Variants in DLG2 observed in about 807,000 individuals in gnomAD.
The protein encoded by DLG2 is discs large MAGUK scaffold protein 2, also known as disks large homolog 2.
Under a neutral mutation model 132.5 loss-of-function variants are expected in DLG2, and 45 were observed. The observed-to-expected ratio is 0.34, with a 90% CI of 0.27 to 0.44. The LOEUF (loss-of-function observed/expected upper bound fraction) is 0.44, where lower values mean the gene tolerates loss of function less well. Among genes scored for constraint, DLG2 ranks in the 20% least tolerant of loss-of-function variants. The pLI is 1.00. For missense variants in DLG2, 1,045 were observed against 1,196.9 expected, an observed-to-expected ratio of 0.87 and a Z score of 1.87; for synonymous variants, 424 against 419.6, an observed-to-expected ratio of 1.01 and a Z score of -0.13.
intron 3 of DLG2, among the ~76,000 whole-genome samples, chr11:85,523,287 G>A (rs1363269547): frequency 1.3e-5 from 2 of 152,086 alleles, no homozygotes; most frequent in Non-Finnish European, 1.5e-5. Context: ...ATGATTATAA[G>A]TTTCCTTTAA....
At chr11:84,014,767 C>T (rs915871482) in intron 11 of DLG2, among the ~76,000 whole-genome samples, 3 of 151,888 alleles carry the variant, frequency 2.0e-5, no homozygotes, top group African/African-American at 4.8e-5. Flanking sequence ...TTCTCTTTCA[C>T]AATCCAATAT....
chr11:84,737,254 A>T (rs1204154126), intron 6 of DLG2, among the ~76,000 whole-genome samples: 3 of 151,894 alleles, frequency 2.0e-5, no homozygotes, highest in Non-Finnish European at 4.4e-5. Context: ...CATTTGCTAA[A>T]ATTTATTTAG....
intron 6 of DLG2, among the ~76,000 whole-genome samples, chr11:84,771,448 C>G (rs1280935121): frequency 6.6e-6 from 1 of 152,174 alleles, no homozygotes; most frequent in Non-Finnish European, 1.5e-5. Flanking sequence ...CTTTTGCTCA[C>G]TTTTAATGGG....
chr11:83,539,160 A>C (rs1478258174), intron 20 of DLG2, among the ~76,000 whole-genome samples: 1 of 152,184 alleles, frequency 6.6e-6, no homozygotes, highest in African/African-American at 2.4e-5. Context: ...GTGCAACAGG[A>C]ATGTTTTGTT....
chr11:84,172,207 T>C (rs1266946641), intron 8 of DLG2, among the ~76,000 whole-genome samples: 3 of 152,250 alleles, frequency 2.0e-5, no homozygotes, highest in Non-Finnish European at 2.9e-5. Context: ...GGTTATTTTA[T>C]GAATACTATG....
At chr11:85,472,565 T>C (rs535715969) in intron 3 of DLG2, among the ~76,000 whole-genome samples, 2 of 152,332 alleles carry the variant, frequency 1.3e-5, no homozygotes, top group East Asian at 1.9e-4. Context: ...CCTAAAGTGC[T>C]GGGATTCCAG....
intron 11 of DLG2, among the ~76,000 whole-genome samples, chr11:83,981,828 A>G (rs2092806606): frequency 6.6e-6 from 1 of 152,208 alleles, no homozygotes; most frequent in Admixed American, 6.5e-5. Flanking sequence ...CTCTTTTAAG[A>G]GATGATTTTC....
chr11:84,757,310 AT>A (rs1284737166), intron 6 of DLG2, among the ~76,000 whole-genome samples: 3 of 151,810 alleles, frequency 2.0e-5, no homozygotes, highest in African/African-American at 7.3e-5. Context: ...AAAAAAAAGG[AT>A]TTTATCTTGT....
intron 8 of DLG2, among the ~76,000 whole-genome samples, chr11:84,220,474 A>G (rs968121621): frequency 4.0e-4 from 61 of 152,210 alleles, no homozygotes; most frequent in African/African-American, 1.4e-3. Flanking sequence ...GTTGGTTTCT[A>G]TGTTTCACTC....
Position 85,613,272 on chromosome 11 carries a change from A to C in DLG2, c.-93+13315T>G, listed in dbSNP as rs186528150. 4.1e-3 allele frequency among the ~76,000 whole-genome samples: 625 copies of C among 152,216 alleles called. 6 individuals carry two copies. The highest frequency in any genetic ancestry group is 3.1e-3 in the Non-Finnish European group (210 of 68,016). On this transcript the variant is annotated intron_variant, in intron 2 of 27. Transcript: ENST00000376104. ...GATGGTCTTACAAATGGAACCCTAA[A>C]TGAGCTCAACTAACAACTTCTACTG...
intron 6 of DLG2, among the ~76,000 whole-genome samples, chr11:84,723,598 C>T (rs1362730405): frequency 6.6e-6 from 1 of 152,030 alleles, no homozygotes; most frequent in East Asian, 1.9e-4. Context: ...CCAGTAACCA[C>T]TATTATTAAA....
intron 3 of DLG2, among the ~76,000 whole-genome samples, chr11:85,590,124 C>G (rs2079218570): frequency 6.6e-6 from 1 of 152,058 alleles, no homozygotes; most frequent in Non-Finnish European, 1.5e-5. Flanking sequence ...ACAAGGTGTA[C>G]ATCTCTCTCA....
chr11:85,598,008 T>TAA (rs150418411), intron 3 of DLG2, among the ~76,000 whole-genome samples: 5 of 139,008 alleles, frequency 3.6e-5, no homozygotes, highest in African/African-American at 1.3e-4. Context: ...GAGATGTATA[T>TAA]AAAAAAAAAT....
At chr11:85,421,058 C>T (rs900432493) in intron 3 of DLG2, among the ~76,000 whole-genome samples, 1 of 152,174 alleles carries the variant, frequency 6.6e-6, no homozygotes, top group Non-Finnish European at 1.5e-5. Context: ...CAAACAGCTG[C>T]CCAGTTTTGT....
chr11:85,242,868 A>G (rs1015948279), intron 4 of DLG2, among the ~76,000 whole-genome samples: 1 of 151,660 alleles, frequency 6.6e-6, no homozygotes, highest in Admixed American at 6.6e-5. Flanking sequence ...CTCCTCAGTC[A>G]CATTATCTTG....
At chr11:83,850,993 G>A (rs754428159) in intron 16 of DLG2, among the ~76,000 whole-genome samples, 19 of 151,978 alleles carry the variant, frequency 1.3e-4, no homozygotes, top group East Asian at 1.2e-3. Context: ...TGGCTAACAC[G>A]GTGAAACCCC....
intron 19 of DLG2, among the ~76,000 whole-genome samples, chr11:83,566,006 G>A (rs1038076381): frequency 1.3e-5 from 2 of 152,122 alleles, no homozygotes; most frequent in Admixed American, 1.3e-4. Context: ...AAGTCCTACT[G>A]GTTGGATTAA....
At chr11:83,469,058 A>G (rs1256493304) in intron 25 of DLG2, 143 bp downstream of exon 25, 2 of 651,518 alleles carry the variant, frequency 3.1e-6, no homozygotes, top group African/African-American at 3.7e-5. Flanking sequence ...CTCTAAGGTG[A>G]TTCTCTGCTT....
chr11:83,801,746 T>C (rs2044451502), intron 17 of DLG2, among the ~76,000 whole-genome samples: 2 of 152,308 alleles, frequency 1.3e-5, no homozygotes, highest in South Asian at 2.1e-4. Flanking sequence ...CCACATGTTA[T>C]TCTGTTTATT....
Sources: gnomAD v4.1 joint callset for allele counts (sites outside exome capture counted in the v4.1 genomes callset) on GRCh38, gnomAD v4.1.1 for gene constraint, MANE v1.5 for transcripts, NCBI Gene and HGNC (gene_info 2026-07-23, HGNC 2026-07-21) for gene names.